Variants in ASB8 observed in about 807,000 individuals in gnomAD.
ASB8 encodes the protein ankyrin repeat and SOCS box protein 8.
In ASB8, 15 loss-of-function variants were observed where a neutral mutation model predicts 22.9. The observed-to-expected ratio is 0.66, with a 90% confidence interval of 0.44 to 1.01. The LOEUF (loss-of-function observed/expected upper bound fraction) is 1.01. Ranked by LOEUF, ASB8 falls within the 50% of genes least tolerant of loss-of-function variation. The pLI, the probability that ASB8 is intolerant of heterozygous loss-of-function variation, is 0.00. For missense variants in ASB8, 294 were observed against 356.9 expected (o/e 0.82, Z 1.42); for synonymous variants, 124 against 140.8 (o/e 0.88, Z 0.84).
rs895323000 is a variant in ASB8 at position 48,157,483 on chromosome 12, T to A, written c.-58A>T. 1 of 152,026 alleles carries A rather than the reference T, an allele frequency of 6.6e-6. No individual in the cohort carries two copies. The highest frequency in any genetic ancestry group is 2.1e-4 in the South Asian group (1 of 4,806). 9.4% of individuals were successfully genotyped at this position (152,026 alleles called of 1,614,324 possible). A position where few individuals can be genotyped will look rare whatever the true frequency, so the allele number is the denominator to read the frequency against. ...CCGAATTGCTGGGCTGAGGTGGGGGTTGAAAGCCGCTGTCAAGGCGTGACC... is the reference window on the plus strand; with the variant it reads ...CCGAATTGCTGGGCTGAGGTGGGGGATGAAAGCCGCTGTCAAGGCGTGACC... On this transcript the variant is annotated 5_prime_UTR_variant, in exon 1 of 4. Transcript: ENST00000317697.
intron 2 of ASB8, 52 bp from the exon 3 acceptor site, chr12:48,151,357 C>A (rs1349302565): frequency 1.4e-6 from 2 of 1,445,050 alleles, no homozygotes; most frequent in Admixed American, 3.7e-5. Context: ...GCTTGCCCAG[C>A]AGGACAGAAT....
rs780609799 is a variant in ASB8 at position 48,149,580 on chromosome 12, A to G, written c.653T>C (p.Phe218Ser). Residue 218 changes from phenylalanine to serine, a missense_variant, in exon 4 of 4, where the codon TTT becomes TCT. Transcript: ENST00000317697. ...CATGGTGCCATTTTTCCTCAATTCA[A>G]AGTGTCCAACAGCTCTGTGGAGGAG... Reference protein sequence around the residue: ...FELLHRAVGHFELRKNGTMPR... With the variant: ...FELLHRAVGHSELRKNGTMPR... The G allele has an allele frequency of 1.2e-6, 2 of 1,613,896 alleles. No individual in the cohort carries two copies. Among genetic ancestry groups the G allele is most frequent in the Non-Finnish European group, 1.7e-6 (2 of 1,179,960 alleles).
intron 3 of ASB8, chr12:48,150,990 T>C (rs1951191082): frequency 1.7e-6 from 1 of 605,382 alleles, no homozygotes; most frequent in African/African-American, 1.9e-5. Context: ...GCAAGCAGGG[T>C]GGGGACAGAA....
intron 1 of ASB8, chr12:48,153,755 G>A: frequency 3.5e-6 from 1 of 288,100 alleles, no homozygotes; most frequent in Non-Finnish European, 6.6e-6. Flanking sequence ...TTCCCCAAGA[G>A]GTACTAAGAC....
chr12:48,155,249 C>A (rs1377650292), intron 1 of ASB8, among the ~76,000 whole-genome samples: 2 of 152,112 alleles, frequency 1.3e-5, no homozygotes, highest in Non-Finnish European at 2.9e-5. Flanking sequence ...AATCTGTGTT[C>A]TTATTATAAG....
At chr12:48,150,955 A>T (rs1951190257) in intron 3 of ASB8, 1 of 566,458 alleles carries the variant, frequency 1.8e-6, no homozygotes, top group Non-Finnish European at 3.1e-6. Context: ...AAAGAAAGGC[A>T]GAGTATCAGC....
At chr12:48,151,750 T>C (rs959969038) in intron 2 of ASB8, 3 of 701,508 alleles carry the variant, frequency 4.3e-6, no homozygotes, top group South Asian at 3.0e-5. Context: ...CCATCATTAA[T>C]AGTGGCATCA....
At chr12:48,152,236 T>C (rs779356139) in intron 2 of ASB8, among the ~76,000 whole-genome samples, 58 of 152,026 alleles carry the variant, frequency 3.8e-4, no homozygotes, top group Non-Finnish European at 6.2e-4. Context: ...AGAATTAGAA[T>C]GTTACAAGGT....
rs1042517673 is a variant in ASB8, at chr12:48,147,933, A to G, written c.*1433T>C. The G allele has an allele frequency of 6.6e-6, 1 of 152,216 alleles. No individual in the cohort carries two copies. The highest frequency in any genetic ancestry group is 2.4e-5 in the African/African-American group (1 of 41,458). The allele number at this position is 152,216 out of a possible 1,614,324, so 9.4% of individuals were successfully genotyped here. A position where few individuals can be genotyped will look rare whatever the true frequency, so the allele number is the denominator to read the frequency against. On this transcript the variant is annotated 3_prime_UTR_variant, in exon 4 of 4. Transcript: ENST00000317697. ...TTGTAGTTCCCAATCAGCTTTAAAA[A>G]AAAAAGTTTTTCAAATTTGCATACA...
intron 1 of ASB8, 53 bp from the exon 2 acceptor site, chr12:48,153,582 T>G: frequency 1.4e-6 from 2 of 1,451,494 alleles, no homozygotes; most frequent in South Asian, 2.4e-5. Flanking sequence ...CACCTGTCTT[T>G]AGGGTTAGGT....
At chr12:48,151,400 ACT>A in intron 2 of ASB8, 95 bp from the exon 3 acceptor site, 1 of 1,084,238 alleles carries the variant, frequency 9.2e-7, no homozygotes, top group South Asian at 1.5e-5. Context: ...GAGAGTTCTA[ACT>A]CTCACTATTT....
chr12:48,149,713 C>T lies in ASB8; in HGVS notation c.520G>A (p.Gly174Ser). 1 of 1,614,174 alleles carries T rather than the reference C, an allele frequency of 6.2e-7. No individual in the cohort carries two copies. Among genetic ancestry groups the T allele is most frequent in the Non-Finnish European group, 8.5e-7 (1 of 1,180,002 alleles). The stretch of plus-strand genomic sequence containing the variant: ...AGGTTGATGACTCTGACCTCTGCGC[C>T]ATAATCCAGAAGGATGCTGACACTC... Reference protein sequence around the residue: ...LESVSILLDYGAEVRVINLIG... With the variant: ...LESVSILLDYSAEVRVINLIG... Residue 174 changes from glycine to serine, a missense_variant, in exon 4 of 4, where the codon GGC (glycine) becomes AGC (serine). Physicochemically the swap from Gly to Ser is moderately conservative, Grantham distance 56. Coordinates refer to ENST00000317697, the MANE Select transcript of ASB8 (RefSeq NM_024095.5).
intron 1 of ASB8, chr12:48,153,859 G>T: frequency 5.8e-6 from 1 of 172,818 alleles, no homozygotes; most frequent in African/African-American, 2.4e-5. Context: ...TTCCTTCTTT[G>T]AATTTTTGTG....
rs1306071369 is a variant in ASB8 at position 48,149,600 on chromosome 12, G to A, written c.633C>T (p.Leu211=). The A allele has an allele frequency of 1.2e-6, 2 of 1,614,156 alleles. No homozygotes were observed. The highest frequency in any genetic ancestry group is 1.7e-6 in the Non-Finnish European group (2 of 1,180,002). The change falls in exon 4 of 4, where the codon CTC becomes CTT. Residue 211 remains leucine, a synonymous_variant. Coordinates refer to ENST00000317697, the MANE Select transcript of ASB8 (RefSeq NM_024095.5). The part of the protein sequence containing the change: ...TEKEDSCFEL[L]HRAVGHFELR... ...ATTCAAAGTGTCCAACAGCTCTGTG[G>A]AGGAGCTCAAAGCAAGAGTCCTCTT...
At chr12:48,154,834 G>A (rs912761851) in intron 1 of ASB8, among the ~76,000 whole-genome samples, 1 of 151,968 alleles carries the variant, frequency 6.6e-6, no homozygotes, top group Non-Finnish European at 1.5e-5. Context: ...CCAGCTACTC[G>A]GGAGGCTGAG....
At position 48,153,399 on chromosome 12, in the gene ASB8, G is replaced by A. The variant is rs779542622; in HGVS notation, c.98C>T (p.Pro33Leu). 3 of 1,613,806 alleles carry A rather than the reference G, an allele frequency of 1.9e-6. No homozygotes were observed. The highest frequency in any genetic ancestry group is 1.7e-5 in the Admixed American group (1 of 60,000). Residue 33 changes from proline to leucine, a missense_variant, in exon 2 of 4, where the codon CCA (proline) becomes CTA (leucine). By Grantham distance (98) the Pro-to-Leu change is moderately conservative. Transcript: ENST00000317697. Reference protein sequence around the residue: ...IRTIAAIRSFPHDNVEDLIRG... With the variant: ...IRTIAAIRSFLHDNVEDLIRG... Reference sequence around the variant, plus strand: ...GATGAGGTCCTCTACATTATCATGTGGGAAGGAACGGATGGCAGCAATTGT... The same window carrying A: ...GATGAGGTCCTCTACATTATCATGTAGGAAGGAACGGATGGCAGCAATTGT...
Position 48,153,487 on chromosome 12 carries a change from T to C in ASB8, c.10A>G (p.Ser4Gly). The change falls in exon 2 of 4, where the codon AGT (serine) becomes GGT (glycine). Residue 4 changes from serine (S) to glycine (G), a missense_variant. Coordinates refer to ENST00000317697, the MANE Select transcript of ASB8 (RefSeq NM_024095.5). MSS[S>G]MWYIMQSIQS... The stretch of plus-strand genomic sequence containing the variant: ...ATGCTCTGCATAATATACCACATAC[T>C]GGAACTCATCAAGGCTCAAGGTGTT... 6 of 1,613,886 alleles carry C rather than the reference T, an allele frequency of 3.7e-6. No homozygotes were observed. Among genetic ancestry groups the C allele is most frequent in the Non-Finnish European group, 5.1e-6 (6 of 1,179,838 alleles).
At chr12:48,151,656 C>T in intron 2 of ASB8, 5 of 1,354,764 alleles carry the variant, frequency 3.7e-6, no homozygotes, top group South Asian at 1.2e-5. Context: ...CTTTCTATGG[C>T]CACCATGCTC....
intron 1 of ASB8, among the ~76,000 whole-genome samples, chr12:48,155,729 CAAAAAA>C (rs1219893101): frequency 9.3e-6 from 1 of 107,780 alleles, no homozygotes; most frequent in African/African-American, 3.7e-5. Flanking sequence ...GACTCCATCT[CAAAAAA>C]AAAAAAAATA....
Sources: allele counts gnomAD v4.1 joint callset (sites outside exome capture counted in the v4.1 genomes callset), GRCh38; gene constraint gnomAD v4.1.1; transcripts MANE v1.5; gene names NCBI Gene and HGNC (gene_info 2026-07-23, HGNC 2026-07-21).